FBXL2: variants seen among roughly 807,000 people sequenced by gnomAD.
FBXL2 encodes F-box/LRR-repeat protein 2.
A neutral mutation model predicts 69.2 loss-of-function variants in FBXL2; 38 were observed. That is an observed-to-expected ratio of 0.55 (90% CI 0.42 to 0.72). The LOEUF is 0.72. Among genes scored for constraint, FBXL2 ranks in the 30% least tolerant of loss-of-function variants. The pLI is 0.00. For missense variants in FBXL2, 354 were observed against 520.3 expected, an observed-to-expected ratio of 0.68 and a Z score of 3.11; for synonymous variants, 192 against 201.3, an observed-to-expected ratio of 0.95 and a Z score of 0.39.
At chr3:33,322,914 G>A (rs974038474) in intron 2 of FBXL2, among the ~76,000 whole-genome samples, 6 of 151,958 alleles carry the variant, frequency 3.9e-5, no homozygotes. Flanking sequence ...ACTGTTTTTT[G>A]TTCTTGTGCC....
intron 2 of FBXL2, among the ~76,000 whole-genome samples, chr3:33,302,514 C>T (rs978854753): frequency 3.3e-5 from 5 of 152,090 alleles, no homozygotes; most frequent in Non-Finnish European, 4.4e-5. Flanking sequence ...TGGTTGCTTT[C>T]AGATGTTAGT....
chr3:33,322,367 GGCGCC>G (rs1559540012), intron 2 of FBXL2, among the ~76,000 whole-genome samples: 1 of 151,858 alleles, frequency 6.6e-6, no homozygotes, highest in East Asian at 1.9e-4. Context: ...CGTGAGCTAC[GGCGCC>G]TGGCCAACTA....
At chr3:33,347,717 A>G (rs2040548531) in intron 2 of FBXL2, among the ~76,000 whole-genome samples, 1 of 152,042 alleles carries the variant, frequency 6.6e-6, no homozygotes, top group Admixed American at 6.6e-5. Context: ...AGTCATTTTA[A>G]CTGGGGTGAA....
the FBXL2 span, chr3:33,416,688 A>T: frequency 9.0e-6 from 11 of 1,219,878 alleles, no homozygotes; most frequent in East Asian, 1.5e-4. Context: ...AGTGAAATTA[A>T]TTTTTTTTTA....
downstream of FBXL2, among the ~76,000 whole-genome samples, chr3:33,407,163 G>A (rs965390914): frequency 6.6e-6 from 1 of 152,128 alleles, no homozygotes; most frequent in African/African-American, 2.4e-5. Context: ...AAAAGCATCT[G>A]AACAAAATCA....
At chr3:33,409,183 A>G in the FBXL2 span, 40 of 1,538,818 alleles carry the variant, frequency 2.6e-5, no homozygotes, top group Non-Finnish European at 3.3e-5. Context: ...TTAGAAATAG[A>G]CTAATATGCA....
chr3:33,373,196 A>C, intron 6 of FBXL2, 36 bp downstream of exon 6: 1 of 1,611,390 alleles, frequency 6.2e-7, no homozygotes, highest in Non-Finnish European at 8.5e-7. Flanking sequence ...CCAAATAGCC[A>C]CGGGGAGAGA....
intron 2 of FBXL2, among the ~76,000 whole-genome samples, chr3:33,347,836 C>T (rs962846876): frequency 2.4e-4 from 37 of 152,076 alleles, no homozygotes; most frequent in Non-Finnish European, 4.0e-4. Context: ...AATGCCTATT[C>T]AGATCTTTGG....
At chr3:33,410,236 GGA>G in the FBXL2 span, among the ~76,000 whole-genome samples, 2 of 152,124 alleles carry the variant, frequency 1.3e-5, no homozygotes, top group African/African-American at 2.4e-5. Context: ...TACCCACCCT[GGA>G]TGACAGCCTT....
intron 1 of FBXL2, 125 bp downstream of exon 1, chr3:33,277,640 TG>T: frequency 9.8e-7 from 1 of 1,024,470 alleles, no homozygotes; most frequent in Non-Finnish European, 1.3e-6. Flanking sequence ...GGCCGCGGCC[TG>T]CGAGGCTGCT....
intron 2 of FBXL2, among the ~76,000 whole-genome samples, chr3:33,313,616 T>TTTTG (rs369350818): frequency 1.5e-5 from 1 of 68,798 alleles, no homozygotes. Flanking sequence ...CAGATAATTG[T>TTTTG]TTTATTTTTT....
At chr3:33,343,213 T>C (rs1302845671) in intron 2 of FBXL2, among the ~76,000 whole-genome samples, 2 of 152,130 alleles carry the variant, frequency 1.3e-5, no homozygotes, top group Non-Finnish European at 2.9e-5. Flanking sequence ...TCTATGTATA[T>C]GTAGGTCTAG....
chr3:33,416,634 A>T, the FBXL2 span: 1 of 712,240 alleles, frequency 1.4e-6, no homozygotes. Flanking sequence ...AATAAACAAA[A>T]TATAGCTCAT....
chr3:33,329,972 G>A (rs2039022961), intron 2 of FBXL2, among the ~76,000 whole-genome samples: 1 of 151,488 alleles, frequency 6.6e-6, no homozygotes, highest in Non-Finnish European at 1.5e-5. Context: ...GTGAGACCCT[G>A]TTTTTTGTTT....
At chr3:33,410,642 AAATTT>A in the FBXL2 span, among the ~76,000 whole-genome samples, 1 of 152,246 alleles carries the variant, frequency 6.6e-6, no homozygotes, top group South Asian at 2.1e-4. Flanking sequence ...CACCACATAC[AAATTT>A]GAACATTGTG....
chr3:33,364,180 A>G (rs750029909), intron 4 of FBXL2, among the ~76,000 whole-genome samples: 5 of 152,180 alleles, frequency 3.3e-5, no homozygotes, highest in Non-Finnish European at 7.4e-5. Context: ...ATATTGTTAT[A>G]CTTTTGAAGT....
At chr3:33,407,318 A>G (rs1272661090), downstream of FBXL2, among the ~76,000 whole-genome samples, 1 of 152,218 alleles carries the variant, frequency 6.6e-6, no homozygotes, top group Non-Finnish European at 1.5e-5. Flanking sequence ...CTGGGCTATA[A>G]TGAATTTCTT....
chr3:33,368,022 G>C (rs1165517917), intron 5 of FBXL2, among the ~76,000 whole-genome samples: 2 of 152,190 alleles, frequency 1.3e-5, no homozygotes, highest in Admixed American at 6.5e-5. Flanking sequence ...TTTTCCAGAA[G>C]AGCACGTTAA....
intron 2 of FBXL2, among the ~76,000 whole-genome samples, chr3:33,315,100 C>T (rs1266815879): frequency 6.6e-6 from 1 of 152,136 alleles, no homozygotes; most frequent in East Asian, 1.9e-4. Flanking sequence ...GCTCAAAAGT[C>T]AAGATTCATT....
Sources: allele counts gnomAD v4.1 joint callset (sites outside exome capture counted in the v4.1 genomes callset), GRCh38; gene constraint gnomAD v4.1.1; transcripts MANE v1.5; gene names NCBI Gene and HGNC (gene_info 2026-07-23, HGNC 2026-07-21).